PARD3: variants seen among roughly 807,000 people sequenced by gnomAD.
The protein encoded by PARD3 is partitioning defective 3 homolog.
Under a neutral mutation model 155.4 loss-of-function variants are expected in PARD3, and 75 were observed. The ratio of observed to expected loss-of-function variants is 0.48; its 90% CI spans 0.40 to 0.58. The LOEUF is 0.58. Among genes scored for constraint, PARD3 ranks in the 20% least tolerant of loss-of-function variants. PARD3 has a pLI of 0.00. For missense variants in PARD3, 1,642 were observed against 1,721.7 expected (o/e 0.95, Z 0.82); for synonymous variants, 576 against 610.5 (o/e 0.94, Z 0.83).
intron 5 of PARD3, among the ~76,000 whole-genome samples, chr10:34,404,292 T>C (rs1375138629): frequency 2.0e-5 from 3 of 152,248 alleles, no homozygotes; most frequent in African/African-American, 2.4e-5. Context: ...TAGTTACTTT[T>C]AGCAAGAACT....
At chr10:34,279,141 C>CTTTT (rs143467605) in intron 21 of PARD3, among the ~76,000 whole-genome samples, 2,716 of 101,984 alleles carry the variant, frequency 0.027, 252 homozygotes, top group African/African-American at 0.1. Context: ...ATATTTTTTC[C>CTTTT]TTTTTTTTTT....
intron 19 of PARD3, among the ~76,000 whole-genome samples, chr10:34,317,917 A>AG (rs1958110143): frequency 6.6e-6 from 1 of 152,216 alleles, no homozygotes; most frequent in African/African-American, 2.4e-5. Context: ...CAGCCTCTGT[A>AG]ACTCTTCTTT....
chr10:34,541,855 G>C (rs2083632169), intron 2 of PARD3, among the ~76,000 whole-genome samples: 1 of 152,016 alleles, frequency 6.6e-6, no homozygotes, highest in Admixed American at 6.6e-5. Context: ...AGTCAAAACA[G>C]CTCATCTTTA....
chr10:34,523,388 A>G (rs978779093), intron 2 of PARD3, among the ~76,000 whole-genome samples: 2 of 152,218 alleles, frequency 1.3e-5, no homozygotes, highest in Non-Finnish European at 2.9e-5. Context: ...TGGACACTCA[A>G]TGTCAATATA....
At chr10:34,783,236 T>G (rs1840482923) in intron 1 of PARD3, among the ~76,000 whole-genome samples, 1 of 152,282 alleles carries the variant, frequency 6.6e-6, no homozygotes, top group African/African-American at 2.4e-5. Context: ...TTATCTGAAT[T>G]TTTAAATATT....
At chr10:34,306,097 C>T (rs1957395412) in intron 20 of PARD3, among the ~76,000 whole-genome samples, 2 of 151,410 alleles carry the variant, frequency 1.3e-5, no homozygotes, top group African/African-American at 4.9e-5. Context: ...AGTTGGAGAC[C>T]AGCATGGCAT....
intron 1 of PARD3, among the ~76,000 whole-genome samples, chr10:34,769,065 G>A (rs1222684781): frequency 3.9e-5 from 6 of 152,244 alleles, no homozygotes; most frequent in Middle Eastern, 3.4e-3. Context: ...TTACCCCACC[G>A]TCTCTCAATC....
rs551799616 is a variant in PARD3, at chr10:34,664,856, G to A, written c.222+31462C>T. Among the ~76,000 whole-genome samples the A allele has an allele frequency of 1.5e-3, 224 of 152,304 alleles. 2 individuals carry two copies. Among genetic ancestry groups the A allele is most frequent in the Middle Eastern group, 0.014 (4 of 294 alleles). On this transcript the variant is annotated intron_variant, in intron 2 of 24. Transcript: ENST00000374788. ...ACTTCAGACAAGGCTGTGAAGAGGT[G>A]TGTGCCGGACAGGTCTTAGCATGTA... is the stretch of plus-strand genomic sequence containing the variant.
chr10:34,786,881 A>T (rs1173343001), intron 1 of PARD3, among the ~76,000 whole-genome samples: 2 of 152,178 alleles, frequency 1.3e-5, no homozygotes, highest in Non-Finnish European at 1.5e-5. Flanking sequence ...GTTCAAAGAG[A>T]TCATTATTTT....
rs538078364 is a variant in PARD3 at position 34,306,069 on chromosome 10, G to A, written c.3065+11038C>T. 2.8e-4 allele frequency among the ~76,000 whole-genome samples: 43 copies of A among 152,046 alleles called. No homozygotes were observed. In the South Asian group the frequency reaches 7.1e-3, roughly 25 times the overall value. Reference sequence around the variant, plus strand: ...AGCACTTTGAGAGGCACAGGTGGGCGGATCATTTGAGGTCCAGAGTTGGAG... The same window carrying A: ...AGCACTTTGAGAGGCACAGGTGGGCAGATCATTTGAGGTCCAGAGTTGGAG... On this transcript the variant is annotated intron_variant, in intron 20 of 24. Coordinates refer to ENST00000374788, the MANE Select transcript of PARD3 (RefSeq NM_001184785.2).
At chr10:34,545,662 C>A (rs1022472700) in intron 2 of PARD3, among the ~76,000 whole-genome samples, 3 of 152,184 alleles carry the variant, frequency 2.0e-5, no homozygotes, top group Admixed American at 6.5e-5. Flanking sequence ...TCAAGCAATT[C>A]CCCTGCCTCA....
chr10:34,625,637 G>A (rs2091942889), intron 2 of PARD3, among the ~76,000 whole-genome samples: 1 of 152,222 alleles, frequency 6.6e-6, no homozygotes, highest in African/African-American at 2.4e-5. Context: ...TCAAGGCCAG[G>A]CGCGGTGGCT....
chr10:34,243,720 G>T (rs1199721594), intron 22 of PARD3, among the ~76,000 whole-genome samples: 3 of 152,100 alleles, frequency 2.0e-5, no homozygotes, highest in Non-Finnish European at 4.4e-5. Context: ...CTGAGCAGGA[G>T]AATTGCTTGA....
chr10:34,556,261 T>C (rs2084972735), intron 2 of PARD3, among the ~76,000 whole-genome samples: 1 of 152,172 alleles, frequency 6.6e-6, no homozygotes, highest in Admixed American at 6.5e-5. Flanking sequence ...TAAAGCTAAA[T>C]TAATCTGGCT....
chr10:34,342,837 T>C (rs868129260), intron 15 of PARD3, among the ~76,000 whole-genome samples: 1 of 152,210 alleles, frequency 6.6e-6, no homozygotes, highest in Non-Finnish European at 1.5e-5. Flanking sequence ...TACACTATTG[T>C]AGTAATACTG....
intron 22 of PARD3, among the ~76,000 whole-genome samples, chr10:34,258,448 A>ATTGCGT (rs1300883711): frequency 5.9e-5 from 9 of 151,940 alleles, no homozygotes. Flanking sequence ...GTGGGTTGTG[A>ATTGCGT]TTGCGTTTGC....
At chr10:34,355,941 A>AAAAAAC (rs1458585106) in intron 14 of PARD3, among the ~76,000 whole-genome samples, 5 of 131,956 alleles carry the variant, frequency 3.8e-5, no homozygotes, top group Non-Finnish European at 6.0e-5. Flanking sequence ...AAAAAAAAAA[A>AAAAAAC]AAAAACAAAA....
intron 1 of PARD3, among the ~76,000 whole-genome samples, chr10:34,727,037 C>A (rs1162564385): frequency 6.6e-6 from 1 of 152,186 alleles, no homozygotes; most frequent in Admixed American, 6.5e-5. Context: ...AGGGGAAGTA[C>A]AAGATCTACA....
At chr10:34,441,540 T>C (rs191199725) in intron 5 of PARD3, among the ~76,000 whole-genome samples, 2 of 152,312 alleles carry the variant, frequency 1.3e-5, no homozygotes, top group Admixed American at 1.3e-4. Flanking sequence ...CTATGTCTTT[T>C]GTTGTTAAAT....
Sources: gnomAD v4.1 joint callset for allele counts (sites outside exome capture counted in the v4.1 genomes callset) on GRCh38, gnomAD v4.1.1 for gene constraint, MANE v1.5 for transcripts, NCBI Gene and HGNC (gene_info 2026-07-23, HGNC 2026-07-21) for gene names.